The following DCC variants were observed in gnomAD, a reference collection of about 807,000 sequenced individuals.
DCC encodes the protein netrin receptor DCC.
In DCC, 58 loss-of-function variants were observed where a neutral mutation model predicts 172.5. The ratio of observed to expected loss-of-function variants is 0.34; its 90% CI spans 0.27 to 0.42. DCC has a LOEUF of 0.42. Among genes scored for constraint, DCC ranks in the 10% least tolerant of loss-of-function variants. The probability of loss-of-function intolerance (pLI) is 1.00; values close to 1 mark genes in which losing one functional copy is unlikely to be tolerated. For missense variants in DCC, 1,740 were observed against 1,791.0 expected (o/e 0.97, Z 0.51); for synonymous variants, 709 against 644.5 (o/e 1.10, Z -1.52).
At position 53,160,606 on chromosome 18, in the gene DCC, G is replaced by A. The variant is rs558215656; in HGVS notation, c.1418+3094G>A. On this transcript the variant is annotated intron_variant, in intron 8 of 28. Coordinates refer to ENST00000442544, the MANE Select transcript of DCC (RefSeq NM_005215.4). ...CTAGATGGAAAGGTGTAACTGGGCT[G>A]ATTCGTCTCACTTTAAATTCATAGC... Among the ~76,000 whole-genome samples the A allele has an allele frequency of 5.3e-5, 8 of 152,260 alleles. No homozygotes were observed. The East Asian group carries it at 1.5e-3, about 29-fold the overall frequency.
At chr18:52,406,154 C>T (rs1189405623) in intron 1 of DCC, among the ~76,000 whole-genome samples, 1 of 149,736 alleles carries the variant, frequency 6.7e-6, no homozygotes, top group African/African-American at 2.5e-5. Context: ...TTCCTTACAC[C>T]TTATACAAAA....
At chr18:52,848,117 A>C (rs1160238562) in intron 2 of DCC, among the ~76,000 whole-genome samples, 1 of 130,956 alleles carries the variant, frequency 7.6e-6, no homozygotes, top group Non-Finnish European at 1.6e-5. Flanking sequence ...AAAGATTCTC[A>C]CTCTGTTGCC....
At chr18:52,858,842 A>G (rs1166456878) in intron 2 of DCC, among the ~76,000 whole-genome samples, 1 of 152,174 alleles carries the variant, frequency 6.6e-6, no homozygotes, top group Non-Finnish European at 1.5e-5. Flanking sequence ...TGGGGCAGCA[A>G]TGTTTGCTTG....
At chr18:53,037,438 A>G (rs1048459629) in intron 5 of DCC, among the ~76,000 whole-genome samples, 5 of 151,984 alleles carry the variant, frequency 3.3e-5, no homozygotes, top group Non-Finnish European at 5.9e-5. Flanking sequence ...ATTGAAAGAA[A>G]CAGAACCTGA....
chr18:53,506,995 G>C (rs984547377), intron 27 of DCC, among the ~76,000 whole-genome samples: 1 of 152,132 alleles, frequency 6.6e-6, no homozygotes, highest in African/African-American at 2.4e-5. Flanking sequence ...TGTGAAATCA[G>C]ATGGTCTTTC....
At chr18:52,878,020 ACT>A (rs1266904951) in intron 2 of DCC, among the ~76,000 whole-genome samples, 1 of 151,286 alleles carries the variant, frequency 6.6e-6, no homozygotes, top group African/African-American at 2.4e-5. Context: ...CTAAATATAA[ACT>A]CTCTTCCCCA....
chr18:52,658,769 AT>A (rs1291474796), intron 1 of DCC, among the ~76,000 whole-genome samples: 1 of 152,184 alleles, frequency 6.6e-6, no homozygotes, highest in East Asian at 1.9e-4. Context: ...TTAAAAAAAA[AT>A]AGTCACCTGG....
chr18:53,088,053 T>C (rs1190865579), intron 7 of DCC, among the ~76,000 whole-genome samples: 1 of 152,194 alleles, frequency 6.6e-6, no homozygotes, highest in Non-Finnish European at 1.5e-5. Context: ...TCCAGCTTTG[T>C]TCTTTTGGCT....
chr18:53,207,505 T>C lies in DCC; in HGVS notation c.1723-174T>C, dbSNP rs545895756. Among the ~76,000 whole-genome samples the C allele has an allele frequency of 1.2e-4, 18 of 152,200 alleles. No individual in the cohort carries two copies. In the South Asian group the frequency reaches 2.7e-3, roughly 23 times the overall value. On this transcript the variant is annotated intron_variant, in intron 10 of 28. Coordinates refer to ENST00000442544, the MANE Select transcript of DCC (RefSeq NM_005215.4). ...GCTGTTTTAACAAGGAGTCTACAGA[T>C]TAGTTGGTTTTTAGTGGGGGAGTCT...
At chr18:52,490,411 G>T (rs1270856823) in intron 1 of DCC, among the ~76,000 whole-genome samples, 2 of 152,036 alleles carry the variant, frequency 1.3e-5, no homozygotes, top group Admixed American at 1.3e-4. Context: ...TAACCTTAGG[G>T]TGAGAATTAG....
In DCC at chr18:52,372,291, G is replaced by T. The variant is rs1040823999; in HGVS notation, c.91+31413G>T. Among the ~76,000 whole-genome samples the T allele has an allele frequency of 4.6e-5, 7 of 152,308 alleles. No individual in the cohort carries two copies. In the East Asian group the frequency reaches 1.2e-3, roughly 25 times the overall value. The stretch of plus-strand genomic sequence containing the variant: ...TGAAGAAACCCTCTGGGGATTGGTT[G>T]TGTAGTTGGAAAGTGTCAGTTTGGG... On this transcript the variant is annotated intron_variant, in intron 1 of 28. Transcript: ENST00000442544.
chr18:52,844,910 A>G (rs1169746254), intron 2 of DCC, among the ~76,000 whole-genome samples: 4 of 152,238 alleles, frequency 2.6e-5, no homozygotes, highest in Non-Finnish European at 5.9e-5. Context: ...TGTGCTTTAT[A>G]GTCAGTATAG....
At chr18:53,419,414 A>G (rs1227127800) in intron 21 of DCC, among the ~76,000 whole-genome samples, 1 of 151,992 alleles carries the variant, frequency 6.6e-6, no homozygotes, top group Non-Finnish European at 1.5e-5. Context: ...ATACCCATTA[A>G]TCATCTTCAC....
chr18:52,917,940 C>T (rs557312221), intron 3 of DCC, among the ~76,000 whole-genome samples: 14 of 152,104 alleles, frequency 9.2e-5, no homozygotes, highest in African/African-American at 3.4e-4. Flanking sequence ...AAGAGGTATG[C>T]TTTTGTAGAT....
chr18:52,802,019 A>C (rs1279269520), intron 2 of DCC, among the ~76,000 whole-genome samples: 1 of 150,336 alleles, frequency 6.7e-6, no homozygotes, highest in Non-Finnish European at 1.5e-5. Context: ...TTTTTTTTTA[A>C]CCATTCCCTT....
intron 7 of DCC, among the ~76,000 whole-genome samples, chr18:53,094,180 G>A (rs536485247): frequency 1.3e-5 from 2 of 152,218 alleles, no homozygotes; most frequent in Non-Finnish European, 2.9e-5. Flanking sequence ...AAGCTTTTAG[G>A]ATCCATTTGT....
At chr18:52,914,075 G>C (rs984439191) in intron 3 of DCC, among the ~76,000 whole-genome samples, 2 of 152,046 alleles carry the variant, frequency 1.3e-5, no homozygotes, top group Admixed American at 1.3e-4. Context: ...TGCTTTTCTG[G>C]AAAGTTTTTA....
intron 1 of DCC, among the ~76,000 whole-genome samples, chr18:52,663,484 G>A (rs2035402303): frequency 6.6e-6 from 1 of 151,962 alleles, no homozygotes; most frequent in Non-Finnish European, 1.5e-5. Flanking sequence ...ACCTTCACTG[G>A]GCAAAAGGTT....
At chr18:53,151,995 A>G (rs1031470961) in intron 7 of DCC, among the ~76,000 whole-genome samples, 1 of 152,148 alleles carries the variant, frequency 6.6e-6, no homozygotes. Context: ...GGGAACAACA[A>G]GAAAAAAAAA....
Sources: gnomAD v4.1 joint callset for allele counts (sites outside exome capture counted in the v4.1 genomes callset) on GRCh38, gnomAD v4.1.1 for gene constraint, MANE v1.5 for transcripts, NCBI Gene and HGNC (gene_info 2026-07-23, HGNC 2026-07-21) for gene names.